C1orf141: variants seen among roughly 807,000 people sequenced by gnomAD.
C1orf141 encodes uncharacterized protein C1orf141.
C1orf141 carries 19 observed loss-of-function variants against 23.2 expected under a neutral mutation model. The ratio of observed to expected loss-of-function variants is 0.82; its 90% CI spans 0.57 to 1.20. The LOEUF (loss-of-function observed/expected upper bound fraction) is 1.20. Among genes scored for constraint, C1orf141 ranks in the 50% most tolerant of loss-of-function variants. The pLI is 0.00. For missense variants in C1orf141, 469 were observed against 455.1 expected (o/e 1.03, Z -0.28); for synonymous variants, 153 against 154.6 (o/e 0.99, Z 0.08).
chr1:67,120,937 G>A (rs891015464), intron 4 of C1orf141, among the ~76,000 whole-genome samples: 6 of 152,190 alleles, frequency 3.9e-5, no homozygotes, highest in Non-Finnish European at 5.9e-5. Flanking sequence ...GGAGAGTATA[G>A]GAGTTGATGG....
chr1:67,133,170 A>G (rs1276844515), intron 1 of C1orf141, among the ~76,000 whole-genome samples: 1 of 152,262 alleles, frequency 6.6e-6, no homozygotes, highest in East Asian at 1.9e-4. Context: ...AGTGTCGTCA[A>G]TATAATAGGC....
chr1:67,120,772 G>A (rs1646283097), intron 4 of C1orf141, among the ~76,000 whole-genome samples: 1 of 150,982 alleles, frequency 6.6e-6, no homozygotes, highest in African/African-American at 2.4e-5. Flanking sequence ...ACCACCCAGG[G>A]TATGGTATTC....
chr1:67,113,902 A>G, intron 5 of C1orf141: 1 of 327,224 alleles, frequency 3.1e-6, no homozygotes, highest in Non-Finnish European at 5.8e-6. Flanking sequence ...CATTGACTTA[A>G]AAGATGATAA....
intron 5 of C1orf141, chr1:67,111,692 T>G (rs983899976): frequency 1.2e-6 from 1 of 829,554 alleles, no homozygotes; most frequent in African/African-American, 1.8e-5. Flanking sequence ...TTACTTCTAA[T>G]TAAACCCAAT....
chr1:67,109,993 T>G (rs1160240514), intron 5 of C1orf141, among the ~76,000 whole-genome samples: 1 of 152,128 alleles, frequency 6.6e-6, no homozygotes. Flanking sequence ...CACATTACTT[T>G]GTTCGGTAAT....
chr1:67,105,769 G>T (rs1333152334), intron 5 of C1orf141, among the ~76,000 whole-genome samples: 3 of 152,228 alleles, frequency 2.0e-5, no homozygotes, highest in Non-Finnish European at 2.9e-5. Context: ...CTTGCATGGG[G>T]TGGAGCTGCT....
chr1:67,096,598 C>A (rs1645686827), intron 5 of C1orf141, among the ~76,000 whole-genome samples: 1 of 152,142 alleles, frequency 6.6e-6, no homozygotes, highest in Non-Finnish European at 1.5e-5. Context: ...ATTTTCAAAT[C>A]TTTCTGATAT....
intron 2 of C1orf141, among the ~76,000 whole-genome samples, chr1:67,130,102 A>G (rs867233691): frequency 2.8e-4 from 43 of 152,318 alleles, no homozygotes; most frequent in African/African-American, 9.9e-4. Flanking sequence ...AACATACATT[A>G]TGATTATGTG....
chr1:67,140,375 G>A (rs1646625552), intron 1 of C1orf141, among the ~76,000 whole-genome samples: 1 of 151,932 alleles, frequency 6.6e-6, no homozygotes, highest in Admixed American at 6.6e-5. Flanking sequence ...AATCACTAAG[G>A]ACAAACACCA....
chr1:67,115,253 A>G, intron 5 of C1orf141, 99 bp downstream of exon 5: 2 of 588,190 alleles, frequency 3.4e-6, no homozygotes, highest in Non-Finnish European at 6.1e-6. Context: ...ACAGAGATCA[A>G]ATTATCAAGA....
chr1:67,096,996 C>G (rs1026123686), intron 5 of C1orf141, among the ~76,000 whole-genome samples: 1 of 152,068 alleles, frequency 6.6e-6, no homozygotes, highest in Non-Finnish European at 1.5e-5. Context: ...ACCTATAACC[C>G]CCTCCAAGCA....
chr1:67,131,895 C>T (rs1646522724), intron 1 of C1orf141, among the ~76,000 whole-genome samples: 1 of 151,132 alleles, frequency 6.6e-6, no homozygotes, highest in Admixed American at 6.6e-5. Flanking sequence ...AGTGATTCTC[C>T]TGCCTCAGCC....
At chr1:67,117,713 A>G (rs1474669483) in intron 4 of C1orf141, among the ~76,000 whole-genome samples, 1 of 152,236 alleles carries the variant, frequency 6.6e-6, no homozygotes, top group Admixed American at 6.5e-5. Flanking sequence ...TGCTGGCTAT[A>G]TAGTCTTGTT....
At chr1:67,101,472 G>GTGTA in intron 5 of C1orf141, among the ~76,000 whole-genome samples, 1 of 151,274 alleles carries the variant, frequency 6.6e-6, no homozygotes, top group East Asian at 1.9e-4. Context: ...GTGTGTGTGT[G>GTGTA]TGTGTGTGTG....
intron 5 of C1orf141, among the ~76,000 whole-genome samples, chr1:67,098,143 C>T (rs971729779): frequency 6.6e-6 from 1 of 152,096 alleles, no homozygotes; most frequent in African/African-American, 2.4e-5. Context: ...TGAGTAATGG[C>T]AACTGCAAAA....
chr1:67,116,870 T>G lies in C1orf141; in HGVS notation c.234-1406A>C, dbSNP rs550935154. On this transcript the variant is annotated intron_variant, in intron 4 of 7. Transcript: ENST00000684719. Reference sequence around the variant, plus strand: ...ATTTCCACCTCTTCAGAAAGAACTTTCCAGCCCACCCCACTTCCCCCATCT... The same window carrying G: ...ATTTCCACCTCTTCAGAAAGAACTTGCCAGCCCACCCCACTTCCCCCATCT... Among the ~76,000 whole-genome samples, 4 of 152,346 alleles carry G rather than the reference T, an allele frequency of 2.6e-5. No individual in the cohort carries two copies. In the East Asian group the frequency reaches 7.7e-4, roughly 29 times the overall value.
intron 4 of C1orf141, among the ~76,000 whole-genome samples, chr1:67,124,335 T>C (rs1350488705): frequency 6.6e-6 from 1 of 152,064 alleles, no homozygotes; most frequent in African/African-American, 2.4e-5. Flanking sequence ...TTTTTTGAGA[T>C]GGAGTCTTGC....
Position 67,093,233 on chromosome 1 carries a change from T to G in C1orf141, c.975A>C (p.Thr325=). 6.2e-7 allele frequency: 1 copy of G among 1,613,966 alleles called. No homozygotes were observed. The highest frequency in any genetic ancestry group is 1.7e-5 in the Admixed American group (1 of 60,022). The change falls in exon 8 of 8, where the codon ACA becomes ACC. Residue 325 remains threonine, a synonymous_variant. Coordinates refer to ENST00000684719, the MANE Select transcript of C1orf141 (RefSeq NM_001276351.2). The stretch of plus-strand genomic sequence containing the variant: ...TATCAAGGTAACCCACAAATTGTTT[T>G]GTTAGGCTAGAAAAATTCTGTGAGA... ...YNFSQNFSSL[T]KQFVGYLDKA...
chr1:67,103,777 T>C (rs981608812), intron 5 of C1orf141, among the ~76,000 whole-genome samples: 3 of 152,054 alleles, frequency 2.0e-5, no homozygotes, highest in African/African-American at 7.2e-5. Context: ...TAACATAGAG[T>C]AGGTACAGCA....
Sources: allele counts gnomAD v4.1 joint callset (sites outside exome capture counted in the v4.1 genomes callset), GRCh38; gene constraint gnomAD v4.1.1; transcripts MANE v1.5; gene names NCBI Gene and HGNC (gene_info 2026-07-23, HGNC 2026-07-21).